Variants in TERB1 observed in about 807,000 individuals in gnomAD.
TERB1 encodes the protein telomere repeats-binding bouquet formation protein 1.
In TERB1, 63 loss-of-function variants were observed where a neutral mutation model predicts 92.3. That is an observed-to-expected ratio of 0.68 (90% confidence interval 0.56 to 0.84). The LOEUF (loss-of-function observed/expected upper bound fraction) is 0.84, where lower values mean the gene tolerates loss of function less well. Among genes scored for constraint, TERB1 ranks in the 40% least tolerant of loss-of-function variants. TERB1 has a pLI of 0.00. For missense variants in TERB1, 709 were observed against 843.7 expected, an observed-to-expected ratio of 0.84 and a Z score of 1.98; for synonymous variants, 252 against 283.9, an observed-to-expected ratio of 0.89 and a Z score of 1.13.
intron 9 of TERB1, 73 bp downstream of exon 9, chr16:66,785,713 T>C: frequency 7.3e-7 from 1 of 1,367,698 alleles, no homozygotes; most frequent in Non-Finnish European, 9.7e-7. Context: ...GATTCAATAA[T>C]AAATTCAATC....
intron 10 of TERB1, among the ~76,000 whole-genome samples, chr16:66,778,266 A>G (rs1367004066): frequency 6.6e-6 from 1 of 152,064 alleles, no homozygotes; most frequent in East Asian, 1.9e-4. Flanking sequence ...GAAAATTTTA[A>G]ATTTTTTTTT....
rs200583619 is a variant in TERB1, at chr16:66,790,982, T to C, written c.69A>G (p.Leu23=). The part of the protein sequence containing the change: ...KTDLNLLLEC[L]KYQMDNAFSQ... Reference sequence around the variant, plus strand: ...AAAAAGCATTGTCCATTTGATACTTTAGACACTCCAATAATAAGTTCAGGT... The same window carrying C: ...AAAAAGCATTGTCCATTTGATACTTCAGACACTCCAATAATAAGTTCAGGT... The change falls in exon 4 of 19, where the codon CTA becomes CTG. Residue 23 remains leucine, a synonymous_variant. Coordinates refer to ENST00000433154, the MANE Select transcript of TERB1 (RefSeq NM_001136505.2). The C allele has an allele frequency of 6.5e-4, 1,004 of 1,547,528 alleles. 3 individuals carry two copies. The highest frequency in any genetic ancestry group is 3.3e-3 in the South Asian group (273 of 83,238).
Position 66,788,274 on chromosome 16 carries a change from T to C in TERB1, c.295A>G (p.Thr99Ala), listed in dbSNP as rs1398418751. The stretch of plus-strand genomic sequence containing the variant: ...GTTAAGTCTTCAAACAACTCTGAAG[T>C]ACACAAAGTCTGCTGACAGTAAACT... ...KNVYCQQTLCTSELFEDLTWF... is the reference protein window; with the variant it reads ...KNVYCQQTLCASELFEDLTWF... Residue 99 changes from threonine (T) to alanine (A), a missense_variant, in exon 6 of 19, where the codon ACT (threonine) becomes GCT (alanine). Thr to Ala is a moderately conservative substitution (Grantham distance 58). Coordinates refer to ENST00000433154, the MANE Select transcript of TERB1 (RefSeq NM_001136505.2). 1 of 1,498,882 alleles carries C rather than the reference T, an allele frequency of 6.7e-7. No homozygotes were observed. The highest frequency in any genetic ancestry group is 8.9e-7 in the Non-Finnish European group (1 of 1,128,438). The allele number at this position is 1,498,882 out of a possible 1,614,324, so 92.8% of individuals were successfully genotyped here.
At chr16:66,800,476 C>T (rs1324174790) in intron 2 of TERB1, among the ~76,000 whole-genome samples, 15 of 150,138 alleles carry the variant, frequency 1.0e-4, no homozygotes, top group Non-Finnish European at 1.8e-4. Context: ...CTGCAACCTC[C>T]GCCTCCCGGG....
Position 66,783,529 on chromosome 16 carries a change from C to T in TERB1, c.700+2257G>A, listed in dbSNP as rs193292486. Among the ~76,000 whole-genome samples, 78 of 152,206 alleles carry T rather than the reference C, an allele frequency of 5.1e-4. 1 individual carries two copies. The highest frequency in any genetic ancestry group is 7.9e-4 in the Non-Finnish European group (54 of 68,008). On this transcript the variant is annotated intron_variant, in intron 9 of 18. Transcript: ENST00000433154. ...ATAGAGCTATTAGCCAACAGTTTCT[C>T]GTAATGTTGTTTCTGGGTTCTGATA...
intron 13 of TERB1, among the ~76,000 whole-genome samples, chr16:66,771,638 T>TACACACACACACACACAC (rs57620654): frequency 7.0e-6 from 1 of 142,988 alleles, no homozygotes; most frequent in Non-Finnish European, 1.6e-5. Context: ...TGTTACAGAA[T>TACACACACACACACACAC]ACACACACAC....
At position 66,789,367 on chromosome 16, in the gene TERB1, G is replaced by A. The variant is rs1220387799; in HGVS notation, c.272-1070C>T. On this transcript the variant is annotated intron_variant, in intron 5 of 18. Coordinates refer to ENST00000433154, the MANE Select transcript of TERB1 (RefSeq NM_001136505.2). ...TGGGAGGCCGAGGCGGGCGGATCACGAGGTCAGGAGATCGAGACCATCCTG... is the reference window on the plus strand; with the variant it reads ...TGGGAGGCCGAGGCGGGCGGATCACAAGGTCAGGAGATCGAGACCATCCTG... 4.1e-4 allele frequency among the ~76,000 whole-genome samples: 16 copies of A among 38,676 alleles called. 1 individual carries two copies. The highest frequency in any genetic ancestry group is 2.9e-4 in the Admixed American group (1 of 3,488). 25.4% of individuals were successfully genotyped at this position (38,676 alleles called of 152,430 possible).
At position 66,800,974 on chromosome 16, in the gene TERB1, C is replaced by T. The variant is rs1959263947; in HGVS notation, c.-33+3G>A. On this transcript the variant is annotated splice_donor_region_variant and intron_variant, in intron 2 of 18. Coordinates refer to ENST00000433154, the MANE Select transcript of TERB1 (RefSeq NM_001136505.2). ...CTGCCCATTCAGCCTGCGGCCCGCTCACCTACAGAGTTGGATGAATTCCTT... is the reference window on the plus strand; with the variant it reads ...CTGCCCATTCAGCCTGCGGCCCGCTTACCTACAGAGTTGGATGAATTCCTT... 1 of 152,442 alleles carries T rather than the reference C, an allele frequency of 6.6e-6. No homozygotes were observed. The highest frequency in any genetic ancestry group is 1.9e-4 in the East Asian group (1 of 5,182). 9.4% of individuals were successfully genotyped at this position (152,442 alleles called of 1,614,324 possible).
At chr16:66,768,035 A>AT in intron 15 of TERB1, 69 bp downstream of exon 15, 1 of 1,280,520 alleles carries the variant, frequency 7.8e-7, no homozygotes. Context: ...GTCAATGTGC[A>AT]TTTTTAGCTA....
intron 16 of TERB1, among the ~76,000 whole-genome samples, chr16:66,762,776 T>C (rs2018274463): frequency 6.6e-6 from 1 of 152,054 alleles, no homozygotes; most frequent in Admixed American, 6.6e-5. Flanking sequence ...CTTAACCTCC[T>C]GGGCTTAAGC....
intron 16 of TERB1, among the ~76,000 whole-genome samples, chr16:66,763,338 A>G (rs2018284400): frequency 6.6e-6 from 1 of 152,152 alleles, no homozygotes; most frequent in South Asian, 2.1e-4. Context: ...CTTGTCATTT[A>G]CTTACTGAAG....
rs74386745 is a variant in TERB1, at chr16:66,788,188, C to A, written c.381G>T (p.Leu127Phe). ...ACTTACTATTATTTGAAACCAGAAC[C>A]AAAATAACATAAACAGACATTCTTT... The part of the protein sequence containing the change: ...NLKRMSVYVI[L>F]VLVSNNRTGQ... The change falls in exon 6 of 19, where the codon TTG becomes TTT. Residue 127 changes from leucine to phenylalanine, a missense_variant. Transcript: ENST00000433154. 6.8e-7 allele frequency: 1 copy of A among 1,481,312 alleles called. No individual in the cohort carries two copies. The highest frequency in any genetic ancestry group is 9.0e-7 in the Non-Finnish European group (1 of 1,112,952). 91.8% of individuals were successfully genotyped at this position (1,481,312 alleles called of 1,614,324 possible).
chr16:66,782,805 T>C (rs1039812112), intron 9 of TERB1, among the ~76,000 whole-genome samples: 2 of 152,178 alleles, frequency 1.3e-5, no homozygotes, highest in Non-Finnish European at 2.9e-5. Flanking sequence ...AGTGACGTTC[T>C]TACAGTGTTG....
intron 5 of TERB1, 118 bp from the exon 6 acceptor site, chr16:66,788,415 T>C (rs2018764213): frequency 1.3e-6 from 1 of 743,768 alleles, no homozygotes. Flanking sequence ...TCTCATTTAA[T>C]TGATATTTAT....
chr16:66,788,527 T>A (rs1007427556), intron 5 of TERB1, among the ~76,000 whole-genome samples: 1 of 150,050 alleles, frequency 6.7e-6, no homozygotes, highest in Non-Finnish European at 1.5e-5. Flanking sequence ...CCAAAACACA[T>A]ACTGAAATCC....
intron 8 of TERB1, 51 bp downstream of exon 8, chr16:66,785,963 T>G: frequency 6.5e-7 from 1 of 1,527,922 alleles, no homozygotes. Context: ...AAATATCAGT[T>G]TTCATTTGTT....
At chr16:66,785,967 ATTTGTT>A in intron 8 of TERB1, 41 bp downstream of exon 8, 1 of 1,527,726 alleles carries the variant, frequency 6.5e-7, no homozygotes, top group Non-Finnish European at 8.8e-7. Context: ...ATCAGTTTTC[ATTTGTT>A]TTTATCTTTA....
chr16:66,762,730 C>G lies in TERB1; in HGVS notation c.1781-3440G>C, dbSNP rs148515662. Among the ~76,000 whole-genome samples, 17 of 151,682 alleles carry G rather than the reference C, an allele frequency of 1.1e-4. No homozygotes were observed. In the East Asian group the frequency reaches 3.3e-3, roughly 29 times the overall value. On this transcript the variant is annotated intron_variant, in intron 16 of 18. Coordinates refer to ENST00000433154, the MANE Select transcript of TERB1 (RefSeq NM_001136505.2). ...ATAGTGTCTCACTCTGTCACCCAGA[C>G]TGGAGTGCAGTGGCATGATCTCAGC...
intron 3 of TERB1, among the ~76,000 whole-genome samples, chr16:66,796,469 C>A (rs1183967971): frequency 6.6e-6 from 1 of 152,176 alleles, no homozygotes; most frequent in Non-Finnish European, 1.5e-5. Context: ...TTTCTGGGAA[C>A]AATTCTGAAA....
Sources: allele counts gnomAD v4.1 joint callset (sites outside exome capture counted in the v4.1 genomes callset), GRCh38; gene constraint gnomAD v4.1.1; transcripts MANE v1.5; gene names NCBI Gene and HGNC (gene_info 2026-07-23, HGNC 2026-07-21).